The following SAMD12 variants were observed in gnomAD, a reference collection of about 807,000 sequenced individuals.
SAMD12 encodes the protein sterile alpha motif domain containing 12.
In SAMD12, 9 loss-of-function variants were observed where a neutral mutation model predicts 15.0. That is an observed-to-expected ratio of 0.60 (90% CI 0.36 to 1.05). The LOEUF is 1.05. SAMD12 is among the 50% of genes least tolerant of loss of function. The pLI is 0.01. For synonymous variants in SAMD12, 86 were observed against 90.1 expected (o/e 0.96, Z 0.25); for missense variants, 230 against 234.2 (o/e 0.98, Z 0.12).
chr8:118,564,241 A>G (rs919280615), intron 2 of SAMD12, among the ~76,000 whole-genome samples: 1 of 151,408 alleles, frequency 6.6e-6, no homozygotes, highest in Non-Finnish European at 1.5e-5. Context: ...ACATACACTA[A>G]TGGCGCTGGT....
At chr8:118,490,900 T>C (rs1315677867) in intron 2 of SAMD12, among the ~76,000 whole-genome samples, 1 of 150,442 alleles carries the variant, frequency 6.6e-6, no homozygotes, top group Non-Finnish European at 1.5e-5. Context: ...GGTTGCTATG[T>C]CCAACTAAAA....
intron 4 of SAMD12, among the ~76,000 whole-genome samples, chr8:118,321,144 AATAT>A (rs4053452): frequency 0.09 from 8,371 of 93,046 alleles, 463 homozygotes; most frequent in Admixed American, 0.13. Flanking sequence ...ATAGATAATA[AATAT>A]ATATATATAT....
intron 2 of SAMD12, among the ~76,000 whole-genome samples, chr8:118,532,520 C>A (rs1416083577): frequency 1.3e-5 from 2 of 152,192 alleles, no homozygotes. Context: ...ATGGTACCAG[C>A]TCCTCTTTGT....
chr8:118,226,121 A>G (rs887716338), intron 4 of SAMD12, among the ~76,000 whole-genome samples: 10 of 152,178 alleles, frequency 6.6e-5, no homozygotes, highest in African/African-American at 2.4e-4. Flanking sequence ...TATATTTATT[A>G]TATCATTTAA....
At chr8:118,313,899 G>A (rs1319931952) in intron 4 of SAMD12, among the ~76,000 whole-genome samples, 1 of 151,544 alleles carries the variant, frequency 6.6e-6, no homozygotes, top group Admixed American at 6.6e-5. Flanking sequence ...GTGTGTGTAT[G>A]TGTGTGTGTG....
intron 4 of SAMD12, among the ~76,000 whole-genome samples, chr8:118,256,600 A>C (rs1586391486): frequency 1.3e-5 from 2 of 150,318 alleles, no homozygotes; most frequent in African/African-American, 5.0e-5. Context: ...GTAAAGTACT[A>C]ATGGGGAAGA....
intron 4 of SAMD12, among the ~76,000 whole-genome samples, chr8:118,319,716 AAG>A (rs1221069599): frequency 2.0e-5 from 3 of 152,190 alleles, no homozygotes; most frequent in African/African-American, 7.2e-5. Flanking sequence ...AGGGGTGAGA[AAG>A]AGGGAGCAAC....
chr8:118,241,474 T>C (rs1812563247), intron 4 of SAMD12, among the ~76,000 whole-genome samples: 2 of 152,180 alleles, frequency 1.3e-5, no homozygotes, highest in Admixed American at 6.5e-5. Context: ...CAATCCATAC[T>C]TATCAAAACA....
intron 2 of SAMD12, among the ~76,000 whole-genome samples, chr8:118,542,447 A>T (rs1826011089): frequency 6.6e-6 from 1 of 152,240 alleles, no homozygotes; most frequent in South Asian, 2.1e-4. Context: ...AAAATATCGT[A>T]CTAAAAATGG....
At chr8:118,512,382 A>G (rs1825113786) in intron 2 of SAMD12, among the ~76,000 whole-genome samples, 2 of 151,868 alleles carry the variant, frequency 1.3e-5, no homozygotes, top group African/African-American at 4.9e-5. Flanking sequence ...CAGTTTTGTG[A>G]GCCAATAAAT....
intron 4 of SAMD12, among the ~76,000 whole-genome samples, chr8:118,289,738 G>A (rs1814258970): frequency 1.3e-5 from 2 of 152,106 alleles, no homozygotes; most frequent in South Asian, 4.1e-4. Context: ...GATGCCAACT[G>A]CATTCTCCCT....
intron 3 of SAMD12, among the ~76,000 whole-genome samples, chr8:118,380,340 G>C (rs535973649): frequency 6.6e-6 from 1 of 152,236 alleles, no homozygotes; most frequent in African/African-American, 2.4e-5. Context: ...GTTCTAGCAG[G>C]GCTGAGAGGG....
intron 2 of SAMD12, among the ~76,000 whole-genome samples, chr8:118,455,297 T>A (rs1160231997): frequency 9.3e-6 from 1 of 107,774 alleles, no homozygotes; most frequent in Non-Finnish European, 2.3e-5. Flanking sequence ...CTCTCTACTG[T>A]TTACTCTGTT....
intron 3 of SAMD12, among the ~76,000 whole-genome samples, chr8:118,383,215 C>T (rs2130724564): frequency 6.6e-6 from 1 of 152,218 alleles, no homozygotes; most frequent in Admixed American, 6.5e-5. Flanking sequence ...TTTGACACTC[C>T]CCCTGGGTAC....
chr8:118,236,245 C>T lies in SAMD12; in HGVS notation c.434-38513G>A, dbSNP rs539661950. On this transcript the variant is annotated intron_variant, in intron 4 of 4. Transcript: ENST00000409003. ...TGAGCAGCAACATCTCATTTGCCAG[C>T]GAGACCTAGTGAAGACTGAGGAAGT... Among the ~76,000 whole-genome samples, 60 of 152,226 alleles carry T rather than the reference C, an allele frequency of 3.9e-4. 1 individual carries two copies. The South Asian group carries it at 0.01, about 26-fold the overall frequency.
chr8:118,395,298 T>C (rs899061401), intron 3 of SAMD12, among the ~76,000 whole-genome samples: 3 of 152,170 alleles, frequency 2.0e-5, no homozygotes, highest in Non-Finnish European at 2.9e-5. Flanking sequence ...CCTCATTCAC[T>C]GCTCACTCAC....
intron 1 of SAMD12, among the ~76,000 whole-genome samples, chr8:118,594,608 G>A (rs999947720): frequency 2.0e-5 from 3 of 151,942 alleles, no homozygotes; most frequent in Admixed American, 6.6e-5. Context: ...AAAAGGAAAC[G>A]TTTACCTCCA....
Position 118,605,918 on chromosome 8 carries a change from A to T in SAMD12, c.13+15886T>A, listed in dbSNP as rs866090648. 7.6e-4 allele frequency among the ~76,000 whole-genome samples: 116 copies of T among 151,674 alleles called. 2 individuals carry two copies. Among genetic ancestry groups the T allele is most frequent in the African/African-American group, 2.6e-3 (108 of 41,368 alleles). ...TGGCTGCTAATATCAGTGAGTGCCT[A>T]ATAAATGTTAACAACTGGTACTGTT... On this transcript the variant is annotated intron_variant, in intron 1 of 3. Coordinates refer to ENST00000314727, the MANE Select transcript of SAMD12 (RefSeq NM_207506.3).
At chr8:118,172,080 G>T in the SAMD12 span, among the ~76,000 whole-genome samples, 1 of 152,008 alleles carries the variant, frequency 6.6e-6, no homozygotes, top group Non-Finnish European at 1.5e-5. Context: ...ACAGGGTGGG[G>T]AACATCACAC....
Sources: allele counts gnomAD v4.1 joint callset (sites outside exome capture counted in the v4.1 genomes callset), GRCh38; gene constraint gnomAD v4.1.1; transcripts MANE v1.5; gene names NCBI Gene and HGNC (gene_info 2026-07-23, HGNC 2026-07-21).